SH2B3: variants seen among roughly 807,000 people sequenced by gnomAD.
SH2B3 encodes the protein SH2B adaptor protein 3.
In SH2B3, 43 loss-of-function variants were observed where a neutral mutation model predicts 51.9. The ratio of observed to expected loss-of-function variants is 0.83; its 90% confidence interval spans 0.65 to 1.07. The LOEUF is 1.07. Ranked by LOEUF, SH2B3 falls within the 50% of genes least tolerant of loss-of-function variation. The pLI is 0.00. For missense variants in SH2B3, 952 were observed against 834.3 expected (o/e 1.14, Z -1.74); for synonymous variants, 396 against 376.0 (o/e 1.05, Z -0.62).
At chr12:111,415,079 G>A (rs554230312) in intron 1 of SH2B3, among the ~76,000 whole-genome samples, 5 of 152,338 alleles carry the variant, frequency 3.3e-5, no homozygotes, top group Non-Finnish European at 7.4e-5. Flanking sequence ...CACCTGAAGA[G>A]AGGATGAAGG....
At chr12:111,425,073 C>T (rs1871883746) in intron 2 of SH2B3, among the ~76,000 whole-genome samples, 1 of 152,130 alleles carries the variant, frequency 6.6e-6, no homozygotes, top group African/African-American at 2.4e-5. Flanking sequence ...CAGGTGGGCT[C>T]AGCCCACAGG....
intron 1 of SH2B3, among the ~76,000 whole-genome samples, chr12:111,414,225 A>G (rs763697960): frequency 1.3e-5 from 2 of 152,184 alleles, no homozygotes; most frequent in African/African-American, 4.8e-5. Context: ...TCTGCCTGAC[A>G]GCTTTTAGTG....
At chr12:111,412,777 C>T (rs1870800424) in intron 1 of SH2B3, among the ~76,000 whole-genome samples, 3 of 152,074 alleles carry the variant, frequency 2.0e-5, no homozygotes, top group Admixed American at 2.0e-4. Context: ...CATCATGTTG[C>T]CCAGCTTGGT....
chr12:111,408,877 A>T (rs971968953), intron 1 of SH2B3, among the ~76,000 whole-genome samples: 1 of 152,202 alleles, frequency 6.6e-6, no homozygotes, highest in African/African-American at 2.4e-5. Flanking sequence ...GAAAGGCTTT[A>T]ACAGCTGTGC....
intron 2 of SH2B3, among the ~76,000 whole-genome samples, chr12:111,437,893 C>A (rs1050315934): frequency 3.3e-5 from 5 of 152,244 alleles, no homozygotes; most frequent in African/African-American, 1.2e-4. Flanking sequence ...CCAAGTACCT[C>A]CTCTGGGCCT....
intron 2 of SH2B3, chr12:111,444,930 C>CA: frequency 1.0e-6 from 1 of 955,774 alleles, no homozygotes; most frequent in Non-Finnish European, 1.2e-6. Context: ...GCCTGGGCGG[C>CA]TCTCAAGGGC....
rs761056260 is a variant in SH2B3 at position 111,448,205 on chromosome 12, A to G, written c.1631A>G (p.His544Arg). The G allele has an allele frequency of 1.2e-6, 2 of 1,614,064 alleles. No individual in the cohort carries two copies. The highest frequency in any genetic ancestry group is 8.5e-7 in the Non-Finnish European group (1 of 1,180,030). Reference protein sequence around the residue: ...ELANSLQHLEHEPVNRARDSD... With the variant: ...ELANSLQHLEREPVNRARDSD... ...GCCAACAGCCTGCAGCACCTGGAGC[A>G]TGAGCCTGTGAATCGAGCCCGGGAC... The change falls in exon 8 of 8, where the codon CAT (histidine) becomes CGT (arginine). Residue 544 changes from histidine to arginine, a missense_variant. By Grantham distance (29) the His-to-Arg change is conservative (BLOSUM62 0). Coordinates refer to ENST00000341259, the MANE Select transcript of SH2B3 (RefSeq NM_005475.3).
chr12:111,413,165 A>G (rs1264838066), intron 1 of SH2B3, among the ~76,000 whole-genome samples: 2 of 152,200 alleles, frequency 1.3e-5, no homozygotes, highest in Non-Finnish European at 2.9e-5. Flanking sequence ...GTAAAATGGA[A>G]GTAATCGTTG....
Position 111,418,951 on chromosome 12 carries a change from G to T in SH2B3, c.732+74G>T. On this transcript the variant is annotated intron_variant, in intron 2 of 7. Coordinates refer to ENST00000341259, the MANE Select transcript of SH2B3 (RefSeq NM_005475.3). This position sits in a 1 kb window ranked among gnomAD's most constrained non-coding sequence, Gnocchi z 6.7. Reference sequence around the variant, plus strand: ...CTTCACCCTGGGGAGAGCGCGGGCTGGGGAGGTGTGATGGCTTTCCAGCTG... The same window carrying T: ...CTTCACCCTGGGGAGAGCGCGGGCTTGGGAGGTGTGATGGCTTTCCAGCTG... The T allele has an allele frequency of 7.7e-7, 1 of 1,300,008 alleles. No homozygotes were observed. The highest frequency in any genetic ancestry group is 9.8e-7 in the Non-Finnish European group (1 of 1,015,824). The allele number at this position is 1,300,008 out of a possible 1,614,324, so 80.5% of individuals were successfully genotyped here. A position where few individuals can be genotyped will look rare whatever the true frequency, so the allele number is the denominator to read the frequency against.
At chr12:111,423,159 G>A (rs570007664) in intron 2 of SH2B3, among the ~76,000 whole-genome samples, 14 of 152,160 alleles carry the variant, frequency 9.2e-5, no homozygotes, top group Non-Finnish European at 1.6e-4. Flanking sequence ...GATGGGGAGC[G>A]GGGAAGTACA....
chr12:111,427,074 T>C (rs1872061988), intron 2 of SH2B3, among the ~76,000 whole-genome samples: 1 of 152,124 alleles, frequency 6.6e-6, no homozygotes, highest in South Asian at 2.1e-4. Flanking sequence ...GAATCCAGAC[T>C]TCTGGTTTCT....
chr12:111,419,148 A>C (rs1871343644), intron 2 of SH2B3, among the ~76,000 whole-genome samples: 1 of 150,396 alleles, frequency 6.6e-6, no homozygotes, highest in Non-Finnish European at 1.5e-5. Flanking sequence ...CTATCTCTAT[A>C]AAAAATTAGC....
chr12:111,427,254 C>T (rs767169970), intron 2 of SH2B3, among the ~76,000 whole-genome samples: 13 of 151,924 alleles, frequency 8.6e-5, no homozygotes, highest in East Asian at 1.9e-4. Flanking sequence ...GCCACAGTGA[C>T]GTGTGCCTAT....
Position 111,447,251 on chromosome 12 carries a change from C to T in SH2B3, c.1021+32C>T, listed in dbSNP as rs746753103. The stretch of plus-strand genomic sequence containing the variant: ...AAACCAATAGCTAGGCCATTGTCTT[C>T]TGGGTACGCTGGAACCCAGACTCAG... On this transcript the variant is annotated intron_variant, in intron 5 of 7. Coordinates refer to ENST00000341259, the MANE Select transcript of SH2B3 (RefSeq NM_005475.3). 2.5e-6 allele frequency: 4 copies of T among 1,591,244 alleles called. No individual in the cohort carries two copies. The South Asian group carries it at 4.4e-5, about 18-fold the overall frequency.
chr12:111,445,775 C>T (rs1481548836), intron 2 of SH2B3, among the ~76,000 whole-genome samples: 1 of 152,238 alleles, frequency 6.6e-6, no homozygotes, highest in Non-Finnish European at 1.5e-5. Flanking sequence ...GGTGGCCAGG[C>T]CACTGGGTCA....
At position 111,410,992 on chromosome 12, in the gene SH2B3, T is replaced by C. The variant is rs1323176108; in HGVS notation, c.-28+4715T>C. Among the ~76,000 whole-genome samples the C allele has an allele frequency of 1.3e-5, 2 of 152,154 alleles. No individual in the cohort carries two copies. The highest frequency in any genetic ancestry group is 6.5e-5 in the Admixed American group (1 of 15,284). On this transcript the variant is annotated intron_variant, in intron 1 of 7. Transcript: ENST00000341259. The surrounding 1 kb of genome is among the most constrained non-coding windows in gnomAD (Gnocchi z 4.9). ...TCCCCTCTGAAGGTGTGAGACTTCC[T>C]GCCTATATCTGTGAGCTGGGGCAGG...
chr12:111,416,375 C>T (rs1255535534), intron 1 of SH2B3, among the ~76,000 whole-genome samples: 1 of 152,176 alleles, frequency 6.6e-6, no homozygotes, highest in Non-Finnish European at 1.5e-5. Flanking sequence ...CATAATATGC[C>T]TATGAAGTAG....
Position 111,438,694 on chromosome 12 carries a change from AAC to A in SH2B3, c.733-8057_733-8056del, listed in dbSNP as rs1873116679. 6.6e-6 allele frequency among the ~76,000 whole-genome samples: 1 copy of A among 152,228 alleles called. No homozygotes were observed. Among genetic ancestry groups the A allele is most frequent in the Admixed American group, 6.5e-5 (1 of 15,284 alleles). On this transcript the variant is annotated intron_variant, in intron 2 of 7. Coordinates refer to ENST00000341259, the MANE Select transcript of SH2B3 (RefSeq NM_005475.3). This position sits in a 1 kb window ranked among gnomAD's most constrained non-coding sequence, Gnocchi z 4.2. ...AATGCGCAAGACCAGCTCATAGGACAACAGGCAGGGAAGGAAGTGAAGGGGCT... is the reference window on the plus strand; with the variant it reads ...AATGCGCAAGACCAGCTCATAGGACAAGGCAGGGAAGGAAGTGAAGGGGCT...
chr12:111,405,025 C>T (rs1253999567), upstream of SH2B3, among the ~76,000 whole-genome samples: 4 of 152,234 alleles, frequency 2.6e-5, no homozygotes, highest in East Asian at 7.7e-4. This position sits in a 1 kb window ranked among gnomAD's most constrained non-coding sequence, Gnocchi z 5.4. Context: ...TCCCCGCCCT[C>T]CCACATGTTG....
Sources: gnomAD v4.1 joint callset for allele counts (sites outside exome capture counted in the v4.1 genomes callset) on GRCh38, gnomAD v4.1.1 for gene constraint, Gnocchi (gnomAD v3.1) non-coding constraint, MANE v1.5 for transcripts, NCBI Gene and HGNC (gene_info 2026-07-23, HGNC 2026-07-21) for gene names.